Variants in MRPL42 observed in about 807,000 individuals in gnomAD.
MRPL42 encodes the protein mitochondrial ribosomal protein L42.
MRPL42 carries 17 observed loss-of-function variants against 17.9 expected under a neutral mutation model. The ratio of observed to expected loss-of-function variants is 0.95; its 90% CI spans 0.65 to 1.42. The LOEUF (loss-of-function observed/expected upper bound fraction) is 1.42. Ranked by LOEUF, MRPL42 falls within the 40% of genes most tolerant of loss-of-function variation. The probability of loss-of-function intolerance (pLI) is 0.00; values close to 1 mark genes in which losing one functional copy is unlikely to be tolerated. For synonymous variants in MRPL42, 59 were observed against 54.4 expected (o/e 1.08, Z -0.37); for missense variants, 177 against 175.2 (o/e 1.01, Z -0.06).
rs148733700 is a variant in MRPL42, at chr12:93,501,225, G to A, written c.*4G>A. On this transcript the variant is annotated 3_prime_UTR_variant, in exon 6 of 6. Coordinates refer to ENST00000549982, the MANE Select transcript of MRPL42 (RefSeq NM_014050.4). ...GAATCCTCCAAAAGACAGATGATGC[G>A]GAGGTTCCTGGGGGAATCAAAGAGA... 2.3e-4 allele frequency: 361 copies of A among 1,600,712 alleles called. 1 individual carries two copies. In the African/African-American group the frequency reaches 4.3e-3, roughly 19 times the overall value.
At position 93,476,978 on chromosome 12, in the gene MRPL42, A is replaced by G. The variant is rs375235330; in HGVS notation, c.95A>G (p.His32Arg). Residue 32 changes from histidine to arginine, a missense_variant, in exon 3 of 6, where the codon CAT (histidine) becomes CGT (arginine). By Grantham distance (29) the His-to-Arg change is conservative. Transcript: ENST00000549982. ...VQNGALYCVC[H>R]KSTYSPLPDD... ...GATGGAGCTTTATATTGTGTTTGTC[A>G]TAAATCTACGTATTCTCCTCTACCA... 1.2e-6 allele frequency: 2 copies of G among 1,609,664 alleles called. No homozygotes were observed. Among genetic ancestry groups the G allele is most frequent in the Non-Finnish European group, 1.7e-6 (2 of 1,177,036 alleles).
At chr12:93,494,628 G>C (rs868693717) in intron 5 of MRPL42, among the ~76,000 whole-genome samples, 61 of 152,176 alleles carry the variant, frequency 4.0e-4, no homozygotes, top group African/African-American at 1.5e-3. Context: ...TAGGCAGTTG[G>C]ATATGTAAGT....
At chr12:93,480,341 G>A (rs891082549) in intron 4 of MRPL42, among the ~76,000 whole-genome samples, 5 of 151,646 alleles carry the variant, frequency 3.3e-5, no homozygotes, top group African/African-American at 1.2e-4. Flanking sequence ...GGCTGATCTC[G>A]AACTCCTAAG....
chr12:93,481,540 C>T (rs1346821864), intron 4 of MRPL42, among the ~76,000 whole-genome samples: 1 of 152,188 alleles, frequency 6.6e-6, no homozygotes, highest in East Asian at 1.9e-4. Flanking sequence ...CACCACTCTG[C>T]ACTTCCTTGA....
At chr12:93,499,061 T>C (rs199861466) in intron 5 of MRPL42, among the ~76,000 whole-genome samples, 3,170 of 31,054 alleles carry the variant, frequency 0.1, 199 homozygotes, top group Middle Eastern at 0.16. Flanking sequence ...AGTGTAACAA[T>C]ATAACTTGGT....
intron 5 of MRPL42, among the ~76,000 whole-genome samples, chr12:93,491,526 T>A (rs1295893613): frequency 6.6e-6 from 1 of 152,260 alleles, no homozygotes; most frequent in Admixed American, 6.5e-5. Flanking sequence ...TAAATTTTTT[T>A]ATCTAAGCTT....
intron 5 of MRPL42, among the ~76,000 whole-genome samples, chr12:93,494,778 T>G (rs1056837097): frequency 6.6e-6 from 1 of 152,174 alleles, no homozygotes; most frequent in Middle Eastern, 3.2e-3. Context: ...AAGGACTGAT[T>G]CTTGGGGCAC....
At chr12:93,469,522 T>C (rs914795408) in intron 2 of MRPL42, among the ~76,000 whole-genome samples, 167 bp downstream of exon 2, 2 of 152,040 alleles carry the variant, frequency 1.3e-5, no homozygotes, top group Admixed American at 6.6e-5. Context: ...ATAGGTCAGA[T>C]GTGGTGTCTC....
chr12:93,499,607 T>G (rs1159007807), intron 5 of MRPL42, among the ~76,000 whole-genome samples: 3 of 152,096 alleles, frequency 2.0e-5, no homozygotes, highest in Non-Finnish European at 4.4e-5. Flanking sequence ...ATGGAACCTT[T>G]TAGAAAAAAA....
At chr12:93,496,653 A>AAAAAAAAAAAAAAAAG (rs1953511486) in intron 5 of MRPL42, among the ~76,000 whole-genome samples, 1 of 150,352 alleles carries the variant, frequency 6.7e-6, no homozygotes, top group African/African-American at 2.4e-5. Context: ...TAAAAAAAAA[A>AAAAAAAAAAAAAAAAG]AAAAAAAAAA....
At chr12:93,479,889 A>G (rs1180489922) in intron 4 of MRPL42, among the ~76,000 whole-genome samples, 1 of 143,442 alleles carries the variant, frequency 7.0e-6, no homozygotes, top group Non-Finnish European at 1.5e-5. Context: ...TTTTTTTTTT[A>G]ACATTTGGTG....
chr12:93,496,351 G>A (rs948641275), intron 5 of MRPL42, among the ~76,000 whole-genome samples: 2 of 151,942 alleles, frequency 1.3e-5, no homozygotes, highest in African/African-American at 4.8e-5. Context: ...GAGCCACCAC[G>A]CCCAGACAAC....
At chr12:93,494,158 A>G (rs977965548) in intron 5 of MRPL42, among the ~76,000 whole-genome samples, 5 of 151,514 alleles carry the variant, frequency 3.3e-5, no homozygotes, top group African/African-American at 1.2e-4. Context: ...GTAGGCCTAG[A>G]GTGTTTCTGA....
chr12:93,504,297 A>G lies in MRPL42; in HGVS notation c.*3076A>G, dbSNP rs771331980. ...GTTGGGATTACAAGTGTGCACCACC[A>G]TACTCAGGTAATTTTGCATTTTTAG... is the stretch of plus-strand genomic sequence containing the variant. On this transcript the variant is annotated 3_prime_UTR_variant, in exon 6 of 6. Transcript: ENST00000549982. The G allele has an allele frequency of 3.3e-5, 5 of 153,164 alleles. No individual in the cohort carries two copies. Among genetic ancestry groups the G allele is most frequent in the Admixed American group, 2.0e-4 (3 of 15,260 alleles). The allele number at this position is 153,164 out of a possible 1,614,324, so 9.5% of individuals were successfully genotyped here.
At chr12:93,487,039 A>G (rs1262063202) in intron 4 of MRPL42, among the ~76,000 whole-genome samples, 1 of 152,076 alleles carries the variant, frequency 6.6e-6, no homozygotes, top group Non-Finnish European at 1.5e-5. Context: ...GTGTGATCAC[A>G]GGTAGCCTCG....
intron 2 of MRPL42, among the ~76,000 whole-genome samples, chr12:93,474,398 CA>C (rs563871222): frequency 8.7e-5 from 13 of 150,208 alleles, no homozygotes; most frequent in Non-Finnish European, 1.5e-4. Flanking sequence ...CTTGGCCTCG[CA>C]AAGCGCTGAG....
At chr12:93,486,056 C>T (rs1365662215) in intron 4 of MRPL42, among the ~76,000 whole-genome samples, 4 of 151,788 alleles carry the variant, frequency 2.6e-5, no homozygotes, top group African/African-American at 9.7e-5. Flanking sequence ...TCTCAAACTC[C>T]TGGGCTCAAG....
rs1405766027 is a variant in MRPL42 at position 93,508,835 on chromosome 12, C to T, written c.*7614C>T. On this transcript the variant is annotated 3_prime_UTR_variant, in exon 6 of 6. Transcript: ENST00000549982. Reference sequence around the variant, plus strand: ...GCTCAATAACTGATCATTTCCTTATCAGTTTAAACCATATATATTTTAACA... The same window carrying T: ...GCTCAATAACTGATCATTTCCTTATTAGTTTAAACCATATATATTTTAACA... 2.0e-5 allele frequency: 3 copies of T among 152,120 alleles called. No homozygotes were observed. The highest frequency in any genetic ancestry group is 2.9e-5 in the Non-Finnish European group (2 of 68,026). The allele number at this position is 152,120 out of a possible 1,614,324, so 9.4% of individuals were successfully genotyped here. A position where few individuals can be genotyped will look rare whatever the true frequency, so the allele number is the denominator to read the frequency against.
At position 93,503,133 on chromosome 12, in the gene MRPL42, T is replaced by G. The variant is rs1044542094; in HGVS notation, c.*1912T>G. ...TTTAAAATTCGTAAAGTGGGATGCTTCTTTAATTTAAATACATTTAGCTTC... is the reference window on the plus strand; with the variant it reads ...TTTAAAATTCGTAAAGTGGGATGCTGCTTTAATTTAAATACATTTAGCTTC... On this transcript the variant is annotated 3_prime_UTR_variant, in exon 6 of 6. Coordinates refer to ENST00000549982, the MANE Select transcript of MRPL42 (RefSeq NM_014050.4). 6.6e-6 allele frequency: 1 copy of G among 152,200 alleles called. No homozygotes were observed. Among genetic ancestry groups the G allele is most frequent in the African/African-American group, 2.4e-5 (1 of 41,452 alleles). The allele number at this position is 152,200 out of a possible 1,614,324, so 9.4% of individuals were successfully genotyped here.
Sources: allele counts gnomAD v4.1 joint callset (sites outside exome capture counted in the v4.1 genomes callset), GRCh38; gene constraint gnomAD v4.1.1; transcripts MANE v1.5; gene names NCBI Gene and HGNC (gene_info 2026-07-23, HGNC 2026-07-21).